Variants in CEP250 observed in about 807,000 individuals in gnomAD.
CEP250 encodes centrosome-associated protein CEP250.
CEP250 carries 242 observed loss-of-function variants against 315.7 expected under a neutral mutation model. That is an observed-to-expected ratio of 0.77 (90% CI 0.69 to 0.85). The LOEUF is 0.85. Ranked by LOEUF, CEP250 falls within the 40% of genes least tolerant of loss-of-function variation. The pLI is 0.00. For synonymous variants in CEP250, 1,088 were observed against 1,175.0 expected (o/e 0.93, Z 1.51); for missense variants, 2,515 against 2,886.4 (o/e 0.87, Z 2.95).
intron 28 of CEP250, 28 bp downstream of exon 28, chr20:35,500,197 T>A: frequency 6.2e-7 from 1 of 1,611,092 alleles, no homozygotes; most frequent in Admixed American, 1.7e-5. Flanking sequence ...GGCAGGGAGA[T>A]TGAGAGGGAG....
intron 20 of CEP250, among the ~76,000 whole-genome samples, chr20:35,489,086 G>T (rs1362283686): frequency 6.6e-6 from 1 of 151,996 alleles, no homozygotes. Flanking sequence ...TACTTGGGAG[G>T]CTGAGGCGGG....
At chr20:35,501,993 G>A (rs2064020316) in intron 29 of CEP250, 27 bp downstream of exon 29, 8 of 1,605,224 alleles carry the variant, frequency 5.0e-6, no homozygotes, top group African/African-American at 1.3e-5. Context: ...TTCAGGGAGG[G>A]GTTTGCCTCA....
chr20:35,472,326 C>T (rs992867716), intron 11 of CEP250, among the ~76,000 whole-genome samples, 175 bp downstream of exon 11: 1 of 152,210 alleles, frequency 6.6e-6, no homozygotes, highest in African/African-American at 2.4e-5. Flanking sequence ...TAAGCATTCA[C>T]GTTTAGCACT....
intron 3 of CEP250, among the ~76,000 whole-genome samples, chr20:35,461,106 G>C (rs2062744998): frequency 6.6e-6 from 1 of 152,162 alleles, no homozygotes; most frequent in Non-Finnish European, 1.5e-5. Flanking sequence ...AAGGGATTTG[G>C]GGCCCTTGAA....
At chr20:35,484,388 G>A (rs1263780890) in intron 20 of CEP250, among the ~76,000 whole-genome samples, 1 of 152,076 alleles carries the variant, frequency 6.6e-6, no homozygotes, top group Non-Finnish European at 1.5e-5. Flanking sequence ...CAGACCCCAT[G>A]TGCAGCTCAG....
intron 30 of CEP250, among the ~76,000 whole-genome samples, chr20:35,505,325 G>A (rs4911510): frequency 0.32 from 48,697 of 152,006 alleles, 8,677 homozygotes; most frequent in South Asian, 0.5. Flanking sequence ...CTGGGAGTGG[G>A]TCCTGAAAGG....
chr20:35,473,281 C>G, intron 12 of CEP250, 93 bp from the exon 13 acceptor site: 1 of 1,116,416 alleles, frequency 9.0e-7, no homozygotes, highest in Non-Finnish European at 1.3e-6. Flanking sequence ...TTGCACCAGC[C>G]CCCGACCCCC....
chr20:35,466,017 C>T (rs2062869365), intron 6 of CEP250, 22 bp from the exon 7 acceptor site: 7 of 1,613,708 alleles, frequency 4.3e-6, no homozygotes, highest in Admixed American at 1.7e-5. Context: ...TTTGCACCCA[C>T]TTTTACCCCT....
rs571236060 is a variant in CEP250 at position 35,475,557 on chromosome 20, A to G, written c.1627A>G (p.Ile543Val). ...ACAGTCAGAATCACTCAGTGAACTG[A>G]TCACTCTTCGGGAAGCCCTGGAGTC... is the stretch of plus-strand genomic sequence containing the variant. ...AKQSESLSEL[I>V]TLREALESSH... The change falls in exon 15 of 35, where the codon ATC (isoleucine) becomes GTC (valine). Residue 543 changes from isoleucine (I) to valine (V), a missense_variant. Transcript: ENST00000397527. 39 of 1,614,168 alleles carry G rather than the reference A, an allele frequency of 2.4e-5. No homozygotes were observed. The South Asian group carries it at 4.2e-4, about 17-fold the overall frequency.
Position 35,518,131 on chromosome 20 carries a change from G to GTTTTTTT in CEP250, c.*6509_*6510insTTTTTTT, listed in dbSNP as rs1437272904. The GTTTTTTT allele has an allele frequency of 1.2e-5, 1 of 83,504 alleles. No individual in the cohort carries two copies. The highest frequency in any genetic ancestry group is 3.1e-5 in the African/African-American group (1 of 32,134). The allele number at this position is 83,504 out of a possible 1,614,324, so 5.2% of individuals were successfully genotyped here. On this transcript the variant is annotated 3_prime_UTR_variant, in exon 35 of 35. Transcript: ENST00000397527. ...TCAAACTCCTCTTCAGAGGCAGCGG[G>GTTTTTTT]TTTTGTTTTTTTTTTAACTATGTTT...
At chr20:35,511,101 G>T (rs1460132459) in intron 34 of CEP250, among the ~76,000 whole-genome samples, 1 of 152,296 alleles carries the variant, frequency 6.6e-6, no homozygotes, top group East Asian at 1.9e-4. Context: ...TTATCTTTCA[G>T]TGAAGTTGAT....
intron 30 of CEP250, among the ~76,000 whole-genome samples, chr20:35,506,601 G>A (rs1436547045): frequency 6.6e-6 from 1 of 152,108 alleles, no homozygotes; most frequent in African/African-American, 2.4e-5. Flanking sequence ...CAGACACACA[G>A]TCCCCCAGAG....
chr20:35,471,331 C>T (rs2063019230), intron 10 of CEP250, among the ~76,000 whole-genome samples: 1 of 152,188 alleles, frequency 6.6e-6, no homozygotes. Flanking sequence ...GATGAGGCAT[C>T]TACCATTCAA....
Position 35,463,489 on chromosome 20 carries a change from G to A in CEP250, c.187-86G>A. The A allele has an allele frequency of 7.6e-6, 9 of 1,187,440 alleles. No individual in the cohort carries two copies. The South Asian group carries it at 1.3e-4, about 17-fold the overall frequency. 73.6% of individuals were successfully genotyped at this position (1,187,440 alleles called of 1,614,324 possible). On this transcript the variant is annotated intron_variant, in intron 4 of 34. Coordinates refer to ENST00000397527, the MANE Select transcript of CEP250 (RefSeq NM_007186.6). ...CACCCATTTCCCCTGTTCATAGCAA[G>A]TTTGCCTAAGATCCTCAGGGGCCTT...
At chr20:35,507,715 T>G in intron 30 of CEP250, 23 bp from the exon 31 acceptor site, 1 of 1,546,218 alleles carries the variant, frequency 6.5e-7, no homozygotes, top group Non-Finnish European at 8.8e-7. Flanking sequence ...GGTGTGATTT[T>G]GCTCCATACC....
rs1283506633 is a variant in CEP250, at chr20:35,502,489, G to A, written c.4120G>A (p.Ala1374Thr). 6.2e-7 allele frequency: 1 copy of A among 1,614,210 alleles called. No individual in the cohort carries two copies. Among genetic ancestry groups the A allele is most frequent in the Non-Finnish European group, 8.5e-7 (1 of 1,180,032 alleles). Reference sequence around the variant, plus strand: ...AGAAGCCAGGGCTCAGGCAAGTGCTGCTGGCATCCTGGAAGAAGACCTGAG... The same window carrying A: ...AGAAGCCAGGGCTCAGGCAAGTGCTACTGGCATCCTGGAAGAAGACCTGAG... ...VVEARAQASA[A>T]GILEEDLRTA... The change falls in exon 30 of 35, where the codon GCT (alanine) becomes ACT (threonine). Residue 1374 changes from alanine to threonine, a missense_variant. Physicochemically the swap from Ala to Thr is moderately conservative, Grantham distance 58. Coordinates refer to ENST00000397527, the MANE Select transcript of CEP250 (RefSeq NM_007186.6).
At chr20:35,479,944 G>C (rs776178519) in intron 19 of CEP250, 32 bp from the exon 20 acceptor site, 1 of 1,609,644 alleles carries the variant, frequency 6.2e-7, no homozygotes, top group Admixed American at 1.7e-5. Context: ...AAAGGAGGGG[G>C]CGGAGGCCTG....
chr20:35,459,710 A>G (rs916538345), intron 2 of CEP250, among the ~76,000 whole-genome samples: 1 of 151,940 alleles, frequency 6.6e-6, no homozygotes, highest in African/African-American at 2.4e-5. Flanking sequence ...CAGGAATTTG[A>G]GGCTGCGGTG....
chr20:35,504,013 G>T lies in CEP250; in HGVS notation c.5644G>T (p.Val1882Phe), dbSNP rs2064103394. Residue 1882 changes from valine to phenylalanine, a missense_variant, in exon 30 of 35, where the codon GTC becomes TTC. Val to Phe is a conservative substitution (Grantham distance 50). Coordinates refer to ENST00000397527, the MANE Select transcript of CEP250 (RefSeq NM_007186.6). ...EEELAVEGRR[V>F]QALEEVLGDL... ...AGAGCTGGCAGTGGAGGGACGGCGG[G>T]TCCAGGCCCTGGAGGAGGTGCTGGG... 2 of 1,608,880 alleles carry T rather than the reference G, an allele frequency of 1.2e-6. No homozygotes were observed.
Sources: allele counts gnomAD v4.1 joint callset (sites outside exome capture counted in the v4.1 genomes callset), GRCh38; gene constraint gnomAD v4.1.1; transcripts MANE v1.5; gene names NCBI Gene and HGNC (gene_info 2026-07-23, HGNC 2026-07-21).